Variants in FBXL17 observed in about 807,000 individuals in gnomAD.
The protein encoded by FBXL17 is F-box/LRR-repeat protein 17.
Under a neutral mutation model 66.2 loss-of-function variants are expected in FBXL17, and 22 were observed. The ratio of observed to expected loss-of-function variants is 0.33; its 90% CI spans 0.24 to 0.47. FBXL17 has a LOEUF of 0.47. Ranked by LOEUF, FBXL17 falls within the 20% of genes least tolerant of loss-of-function variation. The probability of loss-of-function intolerance (pLI) is 1.00; values close to 1 mark genes in which losing one functional copy is unlikely to be tolerated. For missense variants in FBXL17, 878 were observed against 948.2 expected (o/e 0.93, Z 0.97); for synonymous variants, 474 against 400.5 (o/e 1.18, Z -2.19).
At chr5:107,935,419 G>A (rs1369298815) in intron 7 of FBXL17, among the ~76,000 whole-genome samples, 1 of 151,570 alleles carries the variant, frequency 6.6e-6, no homozygotes, top group Non-Finnish European at 1.5e-5. Context: ...ATATGTGTGT[G>A]TGTGTGTGTG....
chr5:107,886,625 A>C (rs1748980135), intron 7 of FBXL17, among the ~76,000 whole-genome samples: 1 of 152,188 alleles, frequency 6.6e-6, no homozygotes, highest in Non-Finnish European at 1.5e-5. Flanking sequence ...GGATCCAATC[A>C]GAAGAAGCTG....
chr5:108,062,582 T>C (rs1368795042), intron 6 of FBXL17, among the ~76,000 whole-genome samples: 4 of 152,134 alleles, frequency 2.6e-5, no homozygotes, highest in South Asian at 2.1e-4. Flanking sequence ...TTCTACACTA[T>C]AGGAAACATA....
At chr5:108,126,615 A>C (rs961348521) in intron 6 of FBXL17, among the ~76,000 whole-genome samples, 1 of 100,564 alleles carries the variant, frequency 9.9e-6, no homozygotes. Context: ...ATATAAGATT[A>C]TCTCTCTGTC....
At chr5:108,002,626 C>G (rs1406732687) in intron 7 of FBXL17, among the ~76,000 whole-genome samples, 1 of 151,890 alleles carries the variant, frequency 6.6e-6, no homozygotes, top group African/African-American at 2.4e-5. Context: ...TAGAAATAAC[C>G]CAAATGTCCA....
intron 1 of FBXL17, among the ~76,000 whole-genome samples, chr5:108,376,247 T>C (rs1163773013): frequency 6.6e-6 from 1 of 152,174 alleles, no homozygotes; most frequent in Non-Finnish European, 1.5e-5. Context: ...ATGACTTCTA[T>C]GCAACATTGT....
intron 2 of FBXL17, 116 bp from the exon 3 acceptor site, chr5:108,365,111 A>G (rs561700357): frequency 1.5e-6 from 1 of 679,538 alleles, no homozygotes; most frequent in East Asian, 2.7e-5. Context: ...AGCATGAACG[A>G]TATAATCAAA....
At chr5:108,260,338 A>AT (rs1756761033) in intron 4 of FBXL17, among the ~76,000 whole-genome samples, 1 of 152,138 alleles carries the variant, frequency 6.6e-6, no homozygotes, top group Non-Finnish European at 1.5e-5. Flanking sequence ...TCTCTGCCAA[A>AT]TAACAATGAC....
At chr5:107,981,626 A>G (rs757951117) in intron 7 of FBXL17, among the ~76,000 whole-genome samples, 1 of 152,266 alleles carries the variant, frequency 6.6e-6, no homozygotes, top group Non-Finnish European at 1.5e-5. Context: ...TGCCCAGAAG[A>G]AAGCATTTTC....
intron 4 of FBXL17, among the ~76,000 whole-genome samples, chr5:108,265,802 C>A (rs1481194352): frequency 3.3e-5 from 5 of 152,100 alleles, no homozygotes; most frequent in African/African-American, 1.2e-4. Flanking sequence ...AATGCAGATC[C>A]TATTTCAGTT....
At chr5:108,217,477 T>C (rs938813053) in intron 5 of FBXL17, among the ~76,000 whole-genome samples, 1 of 152,184 alleles carries the variant, frequency 6.6e-6, no homozygotes. Flanking sequence ...TTTATCAATT[T>C]CATCTATCTT....
chr5:108,086,666 C>A (rs145123836), intron 6 of FBXL17, among the ~76,000 whole-genome samples: 364 of 152,244 alleles, frequency 2.4e-3, no homozygotes, highest in Admixed American at 6.5e-3. Flanking sequence ...TCAAGTGATT[C>A]TCCTGCCTCA....
chr5:107,862,905 T>C (rs919473698), intron 8 of FBXL17, among the ~76,000 whole-genome samples: 3 of 151,470 alleles, frequency 2.0e-5, no homozygotes, highest in Non-Finnish European at 4.4e-5. Context: ...AATAGCATGA[T>C]GTTTTCTAAG....
At chr5:108,014,996 A>G (rs1580330155) in intron 7 of FBXL17, among the ~76,000 whole-genome samples, 1 of 152,288 alleles carries the variant, frequency 6.6e-6, no homozygotes, top group South Asian at 2.1e-4. Flanking sequence ...TTATGATTCA[A>G]CTATCTCCCA....
At chr5:108,043,072 C>G (rs1187036569) in intron 6 of FBXL17, among the ~76,000 whole-genome samples, 1 of 152,146 alleles carries the variant, frequency 6.6e-6, no homozygotes, top group Non-Finnish European at 1.5e-5. Context: ...TTCTAACTGG[C>G]TTGTTTTTAA....
chr5:107,893,566 CA>C (rs1415583538), intron 7 of FBXL17, among the ~76,000 whole-genome samples: 1 of 152,192 alleles, frequency 6.6e-6, no homozygotes, highest in Non-Finnish European at 1.5e-5. Context: ...TCAGGCACTA[CA>C]AAATCTTGAA....
intron 4 of FBXL17, among the ~76,000 whole-genome samples, chr5:108,312,031 G>A (rs1580795152): frequency 2.6e-5 from 4 of 152,060 alleles, no homozygotes; most frequent in Admixed American, 6.6e-5. Flanking sequence ...TGAAGCTACC[G>A]TCAGAAGACA....
At chr5:108,177,817 A>G (rs1411019177) in intron 6 of FBXL17, among the ~76,000 whole-genome samples, 1 of 151,552 alleles carries the variant, frequency 6.6e-6, no homozygotes, top group Admixed American at 6.6e-5. Flanking sequence ...TAAATAAAAC[A>G]ATGTGTATAA....
chr5:107,925,515 T>A (rs557048885), intron 7 of FBXL17, among the ~76,000 whole-genome samples: 2 of 152,316 alleles, frequency 1.3e-5, no homozygotes, highest in East Asian at 3.9e-4. Context: ...ATGCCTGGAT[T>A]GAATATGGTG....
chr5:107,997,099 G>A (rs1580304648), intron 7 of FBXL17, among the ~76,000 whole-genome samples: 1 of 152,128 alleles, frequency 6.6e-6, no homozygotes, highest in African/African-American at 2.4e-5. Flanking sequence ...GGAGTATTCC[G>A]GGATGAGAGA....
Sources: allele counts gnomAD v4.1 joint callset (sites outside exome capture counted in the v4.1 genomes callset), GRCh38; gene constraint gnomAD v4.1.1; transcripts MANE v1.5; gene names NCBI Gene and HGNC (gene_info 2026-07-23, HGNC 2026-07-21).